The following LRRC4C variants were observed in gnomAD, a reference collection of about 807,000 sequenced individuals.
LRRC4C encodes the protein leucine rich repeat containing 4C, also known as leucine-rich repeat-containing protein 4C.
A neutral mutation model predicts 33.6 loss-of-function variants in LRRC4C; 5 were observed. The ratio of observed to expected loss-of-function variants is 0.15; its 90% CI spans 0.08 to 0.31. LRRC4C has a LOEUF of 0.31. Among genes scored for constraint, LRRC4C ranks in the 10% least tolerant of loss-of-function variants. The pLI is 1.00. For missense variants in LRRC4C, 560 were observed against 796.7 expected (o/e 0.70, Z 3.58); for synonymous variants, 329 against 302.0 (o/e 1.09, Z -0.93).
chr11:40,747,166 C>T (rs1260188275), intron 2 of LRRC4C, among the ~76,000 whole-genome samples: 1 of 151,876 alleles, frequency 6.6e-6, no homozygotes, highest in African/African-American at 2.4e-5. Flanking sequence ...CCAAGGCAGG[C>T]ATGCTCGGCC....
chr11:40,333,405 T>A lies in LRRC4C; in HGVS notation c.-269-13684A>T, dbSNP rs147998570. On this transcript the variant is annotated intron_variant, in intron 3 of 6. Transcript: ENST00000528697. ...AGCATACTATTTACGAGTGAAAAAT[T>A]GTAGTTGTCATTTTTAAAATTGTAA... 2.7e-3 allele frequency among the ~76,000 whole-genome samples: 413 copies of A among 152,232 alleles called. 3 individuals are homozygous for A. The highest frequency in any genetic ancestry group is 9.6e-3 in the African/African-American group (397 of 41,554).
chr11:41,357,416 A>G (rs896757517), intron 1 of LRRC4C, among the ~76,000 whole-genome samples: 2 of 152,184 alleles, frequency 1.3e-5, no homozygotes, highest in Admixed American at 6.5e-5. Flanking sequence ...TAGAAGTAGT[A>G]TAAGATATTT....
intron 3 of LRRC4C, among the ~76,000 whole-genome samples, chr11:40,343,422 G>A (rs923508710): frequency 6.6e-6 from 1 of 151,716 alleles, no homozygotes; most frequent in Non-Finnish European, 1.5e-5. Flanking sequence ...TAAACTTTAG[G>A]TCATGGCAAT....
At chr11:41,003,787 T>C (rs1372871573) in intron 1 of LRRC4C, among the ~76,000 whole-genome samples, 1 of 151,972 alleles carries the variant, frequency 6.6e-6, no homozygotes, top group Non-Finnish European at 1.5e-5. Context: ...CAAATACATT[T>C]CCTTTCTTTT....
chr11:40,875,906 G>T (rs1954862631), intron 2 of LRRC4C, among the ~76,000 whole-genome samples: 1 of 152,040 alleles, frequency 6.6e-6, no homozygotes, highest in Non-Finnish European at 1.5e-5. Flanking sequence ...TTGTTTTCCT[G>T]CAACTAGACG....
chr11:40,518,563 C>T (rs978049447), intron 3 of LRRC4C, among the ~76,000 whole-genome samples: 6 of 152,152 alleles, frequency 3.9e-5, no homozygotes, highest in Non-Finnish European at 5.9e-5. Context: ...TACCATCTCA[C>T]AGCAGTTAGA....
intron 1 of LRRC4C, among the ~76,000 whole-genome samples, chr11:41,024,487 T>A (rs1393529331): frequency 6.6e-6 from 1 of 151,678 alleles, no homozygotes; most frequent in Non-Finnish European, 1.5e-5. Flanking sequence ...TTCACTTAAT[T>A]CTCACAGTCG....
Position 41,332,231 on chromosome 11 carries a change from G to T in LRRC4C, c.-496+127200C>A, listed in dbSNP as rs1196142045. 2.0e-5 allele frequency among the ~76,000 whole-genome samples: 3 copies of T among 152,148 alleles called. No individual in the cohort carries two copies. In the East Asian group the frequency reaches 5.8e-4, roughly 29 times the overall value. On this transcript the variant is annotated intron_variant, in intron 1 of 6. Coordinates refer to ENST00000528697, the MANE Select transcript of LRRC4C (RefSeq NM_001258419.2). Reference sequence around the variant, plus strand: ...CCCAATTTGCCTCATTAAGCTTGATGAATAATTTCAGCAGTAATTAACAAA... The same window carrying T: ...CCCAATTTGCCTCATTAAGCTTGATTAATAATTTCAGCAGTAATTAACAAA...
intron 5 of LRRC4C, among the ~76,000 whole-genome samples, chr11:40,169,724 A>G (rs1590603306): frequency 1.3e-5 from 2 of 152,178 alleles, no homozygotes; most frequent in East Asian, 3.9e-4. Flanking sequence ...ATCTTACTCC[A>G]TAACCCTCGT....
intron 3 of LRRC4C, among the ~76,000 whole-genome samples, chr11:40,435,860 T>G (rs1951118879): frequency 6.6e-6 from 1 of 152,144 alleles, no homozygotes; most frequent in Non-Finnish European, 1.5e-5. Flanking sequence ...GGAAAAAACA[T>G]CCATGAATAT....
At chr11:41,334,816 G>T (rs1951400943) in intron 1 of LRRC4C, among the ~76,000 whole-genome samples, 1 of 152,072 alleles carries the variant, frequency 6.6e-6, no homozygotes. Context: ...TCATTCCACT[G>T]CACTGCAGCC....
chr11:40,409,143 T>C (rs1246722551), intron 3 of LRRC4C, among the ~76,000 whole-genome samples: 1 of 151,924 alleles, frequency 6.6e-6, no homozygotes, highest in African/African-American at 2.4e-5. Context: ...GAATACATAA[T>C]AAGGGAAGAC....
intron 2 of LRRC4C, among the ~76,000 whole-genome samples, chr11:40,835,601 C>T (rs914267580): frequency 6.6e-6 from 1 of 152,080 alleles, no homozygotes; most frequent in Non-Finnish European, 1.5e-5. Context: ...TAATTTTTAG[C>T]ATATTATTGA....
chr11:41,164,938 C>A (rs1944652248), intron 1 of LRRC4C, among the ~76,000 whole-genome samples: 1 of 152,092 alleles, frequency 6.6e-6, no homozygotes, highest in South Asian at 2.1e-4. Context: ...CTTGCTGTCT[C>A]CTTGTTCCTT....
intron 2 of LRRC4C, among the ~76,000 whole-genome samples, chr11:40,898,165 A>G (rs1188111206): frequency 6.6e-6 from 1 of 151,696 alleles, no homozygotes; most frequent in Admixed American, 6.6e-5. Context: ...GATCAGTTTG[A>G]CCAACGTGGA....
chr11:40,751,059 A>T (rs1327954492), intron 2 of LRRC4C, among the ~76,000 whole-genome samples: 3 of 150,940 alleles, frequency 2.0e-5, no homozygotes, highest in Non-Finnish European at 3.0e-5. Context: ...CAATTGACAA[A>T]TTCCACCTCC....
intron 1 of LRRC4C, among the ~76,000 whole-genome samples, chr11:41,360,979 C>T (rs910961593): frequency 1.2e-4 from 18 of 152,160 alleles, no homozygotes; most frequent in Non-Finnish European, 2.4e-4. Flanking sequence ...GTTGATACTA[C>T]AATCAATCAT....
chr11:40,365,242 A>G (rs113128857), intron 3 of LRRC4C, among the ~76,000 whole-genome samples: 3 of 152,216 alleles, frequency 2.0e-5, no homozygotes, highest in African/African-American at 7.2e-5. Flanking sequence ...TTAAAATTAA[A>G]ATATGATTTA....
intron 3 of LRRC4C, among the ~76,000 whole-genome samples, chr11:40,389,008 G>T (rs1306627704): frequency 6.6e-6 from 1 of 152,052 alleles, no homozygotes; most frequent in African/African-American, 2.4e-5. Flanking sequence ...ATTTCTTAGG[G>T]TATAAAGAAG....
Sources: gnomAD v4.1 joint callset for allele counts (sites outside exome capture counted in the v4.1 genomes callset) on GRCh38, gnomAD v4.1.1 for gene constraint, MANE v1.5 for transcripts, NCBI Gene and HGNC (gene_info 2026-07-23, HGNC 2026-07-21) for gene names.